Variants in NR3C1 observed in about 807,000 individuals in gnomAD.
The protein encoded by NR3C1 is nuclear receptor subfamily 3 group C member 1.
NR3C1 carries 14 observed loss-of-function variants against 74.0 expected under a neutral mutation model. That is an observed-to-expected ratio of 0.19 (90% CI 0.12 to 0.30). NR3C1 has a LOEUF of 0.30. Ranked by LOEUF, NR3C1 falls within the 10% of genes least tolerant of loss-of-function variation. NR3C1 has a pLI of 1.00. For missense variants in NR3C1, 695 were observed against 909.8 expected (o/e 0.76, Z 3.04); for synonymous variants, 308 against 332.5 (o/e 0.93, Z 0.80).
intron 2 of NR3C1, among the ~76,000 whole-genome samples, chr5:143,380,508 T>C (rs1016171063): frequency 6.6e-5 from 10 of 152,182 alleles, no homozygotes; most frequent in African/African-American, 2.4e-4. Flanking sequence ...AAAAAAGCAA[T>C]GAAGTTATTT....
chr5:143,338,639 ATG>A (rs1301995518), intron 2 of NR3C1, among the ~76,000 whole-genome samples: 2 of 152,216 alleles, frequency 1.3e-5, no homozygotes, highest in Non-Finnish European at 2.9e-5. Flanking sequence ...CAGCTGTACA[ATG>A]TGTGTGTTTT....
intron 2 of NR3C1, among the ~76,000 whole-genome samples, chr5:143,344,239 C>T (rs928692786): frequency 2.6e-5 from 4 of 152,100 alleles, no homozygotes; most frequent in East Asian, 1.9e-4. Flanking sequence ...ATACCCATAT[C>T]GTACAAAAGT....
At chr5:143,352,551 C>T (rs930720475) in intron 2 of NR3C1, among the ~76,000 whole-genome samples, 16 of 151,990 alleles carry the variant, frequency 1.1e-4, no homozygotes, top group African/African-American at 3.9e-4. Flanking sequence ...AATATTAATA[C>T]AGGCATACCT....
upstream of NR3C1, among the ~76,000 whole-genome samples, chr5:143,408,205 C>T (rs1330194799): frequency 1.3e-5 from 2 of 152,056 alleles, no homozygotes; most frequent in African/African-American, 4.8e-5. Context: ...CAGTTAAAAG[C>T]CAGACTATAA....
At chr5:143,294,936 G>A (rs1599732654) in intron 7 of NR3C1, 5 of 985,256 alleles carry the variant, frequency 5.1e-6, no homozygotes, top group South Asian at 4.7e-5. Flanking sequence ...ACAGAAGTTC[G>A]TTTTATAAAC....
At chr5:143,413,456 T>G (rs924492150) in intron 1 of NR3C1, among the ~76,000 whole-genome samples, 1 of 152,110 alleles carries the variant, frequency 6.6e-6, no homozygotes, top group East Asian at 1.9e-4. Context: ...CACTGAAAAG[T>G]CCAGGGGAAG....
chr5:143,408,111 G>A (rs1011904245), upstream of NR3C1, among the ~76,000 whole-genome samples: 3 of 152,162 alleles, frequency 2.0e-5, no homozygotes, highest in African/African-American at 7.2e-5. Context: ...AAGGTCTAAA[G>A]CTTTTATGAG....
At chr5:143,327,499 T>C (rs1824880295) in intron 2 of NR3C1, among the ~76,000 whole-genome samples, 1 of 152,198 alleles carries the variant, frequency 6.6e-6, no homozygotes, top group Non-Finnish European at 1.5e-5. Context: ...CAAAGTCTTA[T>C]TACAGCATTA....
At chr5:143,433,781 T>A (rs1751986613) in intron 1 of NR3C1, 2 of 152,486 alleles carry the variant, frequency 1.3e-5, no homozygotes, top group South Asian at 4.1e-4. Context: ...CACTTGCCCA[T>A]CTACAGTTAA....
intron 2 of NR3C1, among the ~76,000 whole-genome samples, chr5:143,350,457 T>C (rs1830034321): frequency 1.3e-5 from 2 of 152,148 alleles, no homozygotes; most frequent in Non-Finnish European, 1.5e-5. Context: ...TTGGGGTTGA[T>C]AGCACCATAT....
chr5:143,292,310 G>A (rs1192807460), intron 7 of NR3C1, among the ~76,000 whole-genome samples: 1 of 152,062 alleles, frequency 6.6e-6, no homozygotes, highest in Non-Finnish European at 1.5e-5. Flanking sequence ...AAGGTGTTGG[G>A]GAGGGGGAGG....
At position 143,373,739 on chromosome 5, in the gene NR3C1, A is replaced by G. The variant is rs147671261; in HGVS notation, c.1184+25917T>C. Among the ~76,000 whole-genome samples the G allele has an allele frequency of 4.4e-3, 670 of 152,342 alleles. 2 individuals carry two copies. Among genetic ancestry groups the G allele is most frequent in the African/African-American group, 0.015 (638 of 41,590 alleles). On this transcript the variant is annotated intron_variant, in intron 2 of 8. Coordinates refer to ENST00000394464, the MANE Select transcript of NR3C1 (RefSeq NM_000176.3). Reference sequence around the variant, plus strand: ...TCATAAAACAAAGCAAAATAATGCAAAAAATACAAAATTTACTAGTATAGT... The same window carrying G: ...TCATAAAACAAAGCAAAATAATGCAGAAAATACAAAATTTACTAGTATAGT...
upstream of NR3C1, chr5:143,405,427 T>G (rs1841053902): frequency 1.1e-6 from 1 of 893,796 alleles, no homozygotes; most frequent in Non-Finnish European, 1.3e-6. Flanking sequence ...CGCCGCCATC[T>G]TGGTAGGGTA....
At chr5:143,406,721 A>G (rs975776212), upstream of NR3C1, among the ~76,000 whole-genome samples, 5 of 152,234 alleles carry the variant, frequency 3.3e-5, no homozygotes, top group East Asian at 5.8e-4. Flanking sequence ...CTAAGTTCAC[A>G]TGGCTCCTAT....
intron 2 of NR3C1, among the ~76,000 whole-genome samples, chr5:143,345,625 G>C (rs77088347): frequency 6.6e-6 from 1 of 152,296 alleles, no homozygotes; most frequent in East Asian, 1.9e-4. Context: ...TTATTTCTGA[G>C]CTATGTGGTG....
chr5:143,404,454 C>T (rs1840933737), upstream of NR3C1: 5 of 985,298 alleles, frequency 5.1e-6, no homozygotes, highest in South Asian at 1.9e-4. Context: ...CAGCTGCCGC[C>T]GCCGCGCTCT....
chr5:143,385,936 C>G (rs1205864312), intron 2 of NR3C1, among the ~76,000 whole-genome samples: 3 of 152,148 alleles, frequency 2.0e-5, no homozygotes, highest in African/African-American at 7.2e-5. Flanking sequence ...CTGTACTAGT[C>G]CATTTTCACA....
At position 143,282,821 on chromosome 5, in the gene NR3C1, C is replaced by T. The variant is rs551898863; in HGVS notation, c.2024-96G>A. On this transcript the variant is annotated intron_variant, in intron 7 of 8. Coordinates refer to ENST00000394464, the MANE Select transcript of NR3C1 (RefSeq NM_000176.3). ...GATAGATAGGGTCTCACTGTGTCAT[C>T]CAGGCTGGAGTGCAGTGGCATAATC... The T allele has an allele frequency of 1.2e-5, 17 of 1,381,718 alleles. No homozygotes were observed. The East Asian group carries it at 1.5e-4, about 12-fold the overall frequency. 85.6% of individuals were successfully genotyped at this position (1,381,718 alleles called of 1,614,324 possible). A position where few individuals can be genotyped will look rare whatever the true frequency, so the allele number is the denominator to read the frequency against.
chr5:143,374,451 ACTGCACTCCAGC>A (rs1180257848), intron 2 of NR3C1, among the ~76,000 whole-genome samples: 1 of 151,738 alleles, frequency 6.6e-6, no homozygotes, highest in African/African-American at 2.4e-5. Flanking sequence ...AGATCATGCC[ACTGCACTCCAGC>A]CTGGGCGACA....
Sources: gnomAD v4.1 joint callset for allele counts (sites outside exome capture counted in the v4.1 genomes callset) on GRCh38, gnomAD v4.1.1 for gene constraint, MANE v1.5 for transcripts, NCBI Gene and HGNC (gene_info 2026-07-23, HGNC 2026-07-21) for gene names.